Variants in CALN1 observed in about 807,000 individuals in gnomAD.
The protein encoded by CALN1 is calneuron 1.
A neutral mutation model predicts 30.6 loss-of-function variants in CALN1; 17 were observed. The observed-to-expected ratio is 0.56, with a 90% CI of 0.38 to 0.83. The LOEUF is 0.83. CALN1 is among the 40% of genes least tolerant of loss of function. The pLI is 0.00. For synonymous variants in CALN1, 156 were observed against 131.4 expected, an observed-to-expected ratio of 1.19 and a Z score of -1.28; for missense variants, 291 against 354.9, an observed-to-expected ratio of 0.82 and a Z score of 1.45.
intron 5 of CALN1, among the ~76,000 whole-genome samples, chr7:71,872,470 TAA>T (rs66502647): frequency 0.11 from 17,163 of 152,212 alleles, 1,416 homozygotes; most frequent in East Asian, 0.43. Context: ...TATGTTGTAA[TAA>T]ATTGTGTCCT....
intron 5 of CALN1, among the ~76,000 whole-genome samples, chr7:71,990,789 G>A (rs536831126): frequency 5.8e-4 from 88 of 152,164 alleles, no homozygotes; most frequent in African/African-American, 2.1e-3. Flanking sequence ...ATTTTACTTT[G>A]TTAATAAACT....
chr7:72,380,544 G>C (rs1804826114), intron 2 of CALN1, among the ~76,000 whole-genome samples: 1 of 152,124 alleles, frequency 6.6e-6, no homozygotes, highest in African/African-American at 2.4e-5. Flanking sequence ...GATCGCTTGA[G>C]CCCATGACTT....
At chr7:72,292,769 C>T (rs796981274) in intron 2 of CALN1, among the ~76,000 whole-genome samples, 15 of 143,758 alleles carry the variant, frequency 1.0e-4, no homozygotes, top group Middle Eastern at 3.7e-3. Flanking sequence ...TACAGTGAGC[C>T]GAGATCGCGC....
chr7:72,163,085 G>A (rs930160153), intron 3 of CALN1, among the ~76,000 whole-genome samples: 4 of 152,194 alleles, frequency 2.6e-5, no homozygotes, highest in African/African-American at 9.6e-5. Context: ...GAGAGACAGA[G>A]TTTGGGGTTC....
intron 1 of CALN1, among the ~76,000 whole-genome samples, chr7:72,435,421 A>T (rs745711929): frequency 3.2e-4 from 48 of 152,156 alleles, no homozygotes; most frequent in Non-Finnish European, 6.2e-4. Flanking sequence ...ACGGTGAGTA[A>T]CTGTGCCTCC....
intron 5 of CALN1, among the ~76,000 whole-genome samples, chr7:71,944,594 C>CAAAAA (rs10677940): frequency 0.1 from 6,210 of 59,604 alleles, 238 homozygotes; most frequent in Middle Eastern, 0.15. Flanking sequence ...AACTCCATCC[C>CAAAAA]AAAAAAAAAA....
rs145673669 is a variant in CALN1 at position 71,943,472 on chromosome 7, A to T, written c.501+80185T>A. On this transcript the variant is annotated intron_variant, in intron 5 of 6. Coordinates refer to ENST00000395275, the MANE Select transcript of CALN1 (RefSeq NM_031468.4). Reference sequence around the variant, plus strand: ...TTTTCTTTTTTTGAGACAGGATCTCACTCTGTCACCCAGGCTGGAGCACAG... The same window carrying T: ...TTTTCTTTTTTTGAGACAGGATCTCTCTCTGTCACCCAGGCTGGAGCACAG... Among the ~76,000 whole-genome samples, 8 of 151,988 alleles carry T rather than the reference A, an allele frequency of 5.3e-5. No individual in the cohort carries two copies. The East Asian group carries it at 1.5e-3, about 29-fold the overall frequency.
At chr7:72,274,500 T>C (rs1382063923) in intron 3 of CALN1, among the ~76,000 whole-genome samples, 6 of 124,114 alleles carry the variant, frequency 4.8e-5, no homozygotes, top group Admixed American at 8.3e-5. Flanking sequence ...AGTGAGACTG[T>C]CTCAAAAAAA....
At chr7:71,858,237 T>C (rs115523712) in intron 5 of CALN1, among the ~76,000 whole-genome samples, 7,342 of 152,248 alleles carry the variant, frequency 0.048, 482 homozygotes, top group African/African-American at 0.14. Context: ...TCCTTCCTGC[T>C]GTCACGTGAA....
chr7:72,105,758 AGAG>A (rs1257826547), intron 4 of CALN1, among the ~76,000 whole-genome samples: 2 of 132,486 alleles, frequency 1.5e-5, no homozygotes, highest in African/African-American at 5.8e-5. Flanking sequence ...GGCAGGGAGA[AGAG>A]GAAGAAGAAG....
At chr7:72,068,644 T>C (rs1263724053) in intron 4 of CALN1, among the ~76,000 whole-genome samples, 1 of 152,138 alleles carries the variant, frequency 6.6e-6, no homozygotes, top group Non-Finnish European at 1.5e-5. Flanking sequence ...CCCGCCACCA[T>C]GCCCAGCTAA....
rs925991122 is a variant in CALN1, at chr7:71,965,709, T to C, written c.501+57948A>G. Among the ~76,000 whole-genome samples, 18 of 151,740 alleles carry C rather than the reference T, an allele frequency of 1.2e-4. 1 individual carries two copies. In the East Asian group the frequency reaches 2.9e-3, roughly 24 times the overall value. On this transcript the variant is annotated intron_variant, in intron 5 of 6. Coordinates refer to ENST00000395275, the MANE Select transcript of CALN1 (RefSeq NM_031468.4). ...GGTATATGCACAACCAAAAGATATA[T>C]TGGTGAAAGTTCAAAGTTAGGCATA...
chr7:71,998,177 A>G (rs1036274193), intron 5 of CALN1, among the ~76,000 whole-genome samples: 6 of 152,144 alleles, frequency 3.9e-5, no homozygotes, highest in African/African-American at 1.2e-4. Flanking sequence ...GAGGGGAAAT[A>G]AAAACATTCT....
At chr7:71,813,445 T>G (rs1788079112) in intron 5 of CALN1, among the ~76,000 whole-genome samples, 1 of 152,204 alleles carries the variant, frequency 6.6e-6, no homozygotes. Flanking sequence ...AATCTCTGAA[T>G]GTGTTAAGTG....
chr7:72,263,317 G>A (rs531223346), intron 3 of CALN1, among the ~76,000 whole-genome samples: 2 of 152,262 alleles, frequency 1.3e-5, no homozygotes, highest in Non-Finnish European at 1.5e-5. Context: ...TGGTACAGGT[G>A]AGAAAATCAA....
intron 4 of CALN1, among the ~76,000 whole-genome samples, chr7:72,042,990 A>G (rs1475851346): frequency 1.3e-5 from 2 of 152,150 alleles, no homozygotes; most frequent in East Asian, 3.9e-4. Context: ...CATTCAGCCA[A>G]GGCCACAAAA....
intron 2 of CALN1, among the ~76,000 whole-genome samples, chr7:72,285,490 G>A (rs1408948693): frequency 6.6e-6 from 1 of 152,034 alleles, no homozygotes; most frequent in Admixed American, 6.6e-5. Flanking sequence ...TGATCTGCCC[G>A]CCTCGGCCTC....
At chr7:71,982,378 T>C (rs2129527277) in intron 5 of CALN1, among the ~76,000 whole-genome samples, 1 of 152,328 alleles carries the variant, frequency 6.6e-6, no homozygotes, top group South Asian at 2.1e-4. Flanking sequence ...GTGGATCACC[T>C]GAGGTCAGGA....
intron 5 of CALN1, among the ~76,000 whole-genome samples, chr7:71,986,552 T>C (rs990942015): frequency 1.3e-5 from 2 of 152,190 alleles, no homozygotes; most frequent in Admixed American, 1.3e-4. Context: ...ATGCCTTTTA[T>C]GTAAAGCACA....
Sources: gnomAD v4.1 joint callset for allele counts (sites outside exome capture counted in the v4.1 genomes callset) on GRCh38, gnomAD v4.1.1 for gene constraint, MANE v1.5 for transcripts, NCBI Gene and HGNC (gene_info 2026-07-23, HGNC 2026-07-21) for gene names.